The following SPATA2L variants were observed in gnomAD, a reference collection of about 807,000 sequenced individuals.
The protein encoded by SPATA2L is spermatogenesis-associated protein 2-like protein.
Under a neutral mutation model 8.7 loss-of-function variants are expected in SPATA2L, and 5 were observed. The ratio of observed to expected loss-of-function variants is 0.57; its 90% CI spans 0.30 to 1.21. The LOEUF is 1.21. Among genes scored for constraint, SPATA2L ranks in the 50% most tolerant of loss-of-function variants. The pLI is 0.07. For missense variants in SPATA2L, 671 were observed against 591.0 expected, an observed-to-expected ratio of 1.14 and a Z score of -1.40; for synonymous variants, 358 against 275.8, an observed-to-expected ratio of 1.30 and a Z score of -2.95.
intron 1 of SPATA2L, 124 bp from the exon 2 acceptor site, chr16:89,701,357 C>A: frequency 9.8e-7 from 1 of 1,016,786 alleles, no homozygotes; most frequent in Non-Finnish European, 1.3e-6. Context: ...CCCCCAGCGG[C>A]TGGGCGCCCC....
chr16:89,698,317 C>T lies in SPATA2L; in HGVS notation c.304-12G>A, dbSNP rs532753698. ...CCCCCAGAGAAGGTCTGCAAGGGAG[C>T]GGCCAGGTCAGTGACTGCCCACCCT... On this transcript the variant is annotated splice_polypyrimidine_tract_variant and intron_variant, in intron 2 of 2. Coordinates refer to ENST00000289805, the MANE Select transcript of SPATA2L (RefSeq NM_152339.4). 1.8e-5 allele frequency: 28 copies of T among 1,541,732 alleles called. No individual in the cohort carries two copies. The highest frequency in any genetic ancestry group is 1.5e-4 in the Admixed American group (8 of 52,610).
intron 2 of SPATA2L, among the ~76,000 whole-genome samples, 169 bp from the exon 3 acceptor site, chr16:89,698,474 CTTTTTTTTTTTTTT>C (rs61610413): frequency 1.1e-4 from 6 of 54,112 alleles, no homozygotes; most frequent in African/African-American, 1.4e-4. Flanking sequence ...ATGATGATTT[CTTTTTTTTTTTTTT>C]TTTTTTTTTT....
rs748634069 is a variant in SPATA2L at position 89,697,496 on chromosome 16, G to A, written c.1113C>T (p.Cys371=). 9 of 1,600,062 alleles carry A rather than the reference G, an allele frequency of 5.6e-6. No homozygotes were observed. The highest frequency in any genetic ancestry group is 4.0e-5 in the African/African-American group (3 of 74,752). ...LSPGALPTLC[C]DTCRQLHAAH... is the part of the protein sequence containing the mutation. Reference sequence around the variant, plus strand: ...CAGCATGCAGCTGGCGACAGGTGTCGCAGCAGAGGGTGGGCAGGGCGCCAG... The same window carrying A: ...CAGCATGCAGCTGGCGACAGGTGTCACAGCAGAGGGTGGGCAGGGCGCCAG... Residue 371 remains cysteine, a synonymous_variant, in exon 3 of 3, where the codon TGC becomes TGT. Transcript: ENST00000289805.
chr16:89,698,357 C>T (rs746006658), intron 2 of SPATA2L, 52 bp from the exon 3 acceptor site: 5 of 1,512,902 alleles, frequency 3.3e-6, no homozygotes, highest in Non-Finnish European at 3.5e-6. Context: ...TAGGCCAGAC[C>T]CTAGGGTACA....
At position 89,700,845 on chromosome 16, in the gene SPATA2L, T is replaced by C. The variant is rs1258543884; in HGVS notation, c.303+85A>G. 2.2e-6 allele frequency: 3 copies of C among 1,354,224 alleles called. No homozygotes were observed. The Admixed American group carries it at 9.7e-5, about 44-fold the overall frequency. The allele number at this position is 1,354,224 out of a possible 1,614,324, so 83.9% of individuals were successfully genotyped here. A position where few individuals can be genotyped will look rare whatever the true frequency, so the allele number is the denominator to read the frequency against. ...TGAGGACACTTGAAGCCCCTCTCTC[T>C]CGAAAGGCGTGGTCCCCCATGGTCG... On this transcript the variant is annotated intron_variant, in intron 2 of 2. Transcript: ENST00000289805.
Position 89,697,306 on chromosome 16 carries a change from A to G in SPATA2L, c.*28T>C, listed in dbSNP as rs372441312. ...GAAGCACCACGGGAGCTGTCTCCCA[A>G]GAGCCCTTGACCTGGGGCCCAGCTG... On this transcript the variant is annotated 3_prime_UTR_variant, in exon 3 of 3. Transcript: ENST00000289805. 1.1e-4 allele frequency: 164 copies of G among 1,483,484 alleles called. No individual in the cohort carries two copies. The highest frequency in any genetic ancestry group is 1.4e-4 in the Non-Finnish European group (158 of 1,120,804). The allele number at this position is 1,483,484 out of a possible 1,614,324, so 91.9% of individuals were successfully genotyped here. A position where few individuals can be genotyped will look rare whatever the true frequency, so the allele number is the denominator to read the frequency against.
Position 89,696,502 on chromosome 16 carries a change from G to A in SPATA2L, c.*832C>T. On this transcript the variant is annotated 3_prime_UTR_variant, in exon 3 of 3. Coordinates refer to ENST00000289805, the MANE Select transcript of SPATA2L (RefSeq NM_152339.4). ...GCCCAGAGGGGCTGTCACAGTGGATGCACCCTGCCCTCTCCCTCGCCAGAC... is the reference window on the plus strand; with the variant it reads ...GCCCAGAGGGGCTGTCACAGTGGATACACCCTGCCCTCTCCCTCGCCAGAC... 1 of 389,310 alleles carries A rather than the reference G, an allele frequency of 2.6e-6. No individual in the cohort carries two copies. Among genetic ancestry groups the A allele is most frequent in the Non-Finnish European group, 4.7e-6 (1 of 214,444 alleles). 24.1% of individuals were successfully genotyped at this position (389,310 alleles called of 1,614,324 possible).
Position 89,701,147 on chromosome 16 carries a change from G to A in SPATA2L, c.86C>T (p.Pro29Leu), listed in dbSNP as rs2060773439. The change falls in exon 2 of 3, where the codon CCC becomes CTC. Residue 29 changes from proline to leucine, a missense_variant. Transcript: ENST00000289805. ...CTGCCAGAGCACCGCGCGCAGCGAG[G>A]GGTCCCCGCACACGCCCGCGCGGCC... is the stretch of plus-strand genomic sequence containing the variant. The part of the protein sequence containing the change: ...RRGRAGVCGD[P>L]SLRAVLWQIL... The A allele has an allele frequency of 6.6e-7, 1 of 1,520,938 alleles. No individual in the cohort carries two copies. The highest frequency in any genetic ancestry group is 8.8e-7 in the Non-Finnish European group (1 of 1,139,596). The allele number at this position is 1,520,938 out of a possible 1,614,324, so 94.2% of individuals were successfully genotyped here. A position where few individuals can be genotyped will look rare whatever the true frequency, so the allele number is the denominator to read the frequency against.
At position 89,697,985 on chromosome 16, in the gene SPATA2L, C is replaced by T. The variant is rs886533393; in HGVS notation, c.624G>A (p.Glu208=). 3 of 1,602,900 alleles carry T rather than the reference C, an allele frequency of 1.9e-6. No individual in the cohort carries two copies. The highest frequency in any genetic ancestry group is 1.7e-6 in the Non-Finnish European group (2 of 1,177,468). Residue 208 remains glutamate, a synonymous_variant, in exon 3 of 3, where the codon GAG becomes GAA. Coordinates refer to ENST00000289805, the MANE Select transcript of SPATA2L (RefSeq NM_152339.4). The stretch of plus-strand genomic sequence containing the variant: ...AGCCTCGGGGGGGCAGGGGTGGCGG[C>T]TCCTCATCCTGGGCCAGCCGCTGCT... ...WLQQRLAQDE[E]PPPLPPRGSP... is the part of the protein sequence containing the mutation.
In SPATA2L at chr16:89,696,995, CA is replaced by C; in HGVS notation, c.*338del. ...GTACTGCAGGGAGCAGGCCAGGAGC[CA>C]CGGGCCTTGGGGCACAGGGTCCTTC... is the stretch of plus-strand genomic sequence containing the variant. On this transcript the variant is annotated 3_prime_UTR_variant, in exon 3 of 3. Transcript: ENST00000289805. 7.0e-7 allele frequency: 1 copy of C among 1,430,942 alleles called. No homozygotes were observed. Among genetic ancestry groups the C allele is most frequent in the Non-Finnish European group, 9.2e-7 (1 of 1,090,400 alleles). 88.6% of individuals were successfully genotyped at this position (1,430,942 alleles called of 1,614,324 possible).
chr16:89,701,382 C>A (rs1290650282), intron 1 of SPATA2L, 149 bp from the exon 2 acceptor site: 4 of 731,040 alleles, frequency 5.5e-6, no homozygotes, highest in Non-Finnish European at 8.0e-6. Context: ...ATCTTCGGCA[C>A]CCCCTACGCT....
rs1164776451 is a variant in SPATA2L, at chr16:89,696,514, C to T, written c.*820G>A. The stretch of plus-strand genomic sequence containing the variant: ...TGTCACAGTGGATGCACCCTGCCCT[C>T]TCCCTCGCCAGACCCGAGGGTAGGG... On this transcript the variant is annotated 3_prime_UTR_variant, in exon 3 of 3. Transcript: ENST00000289805. 5.0e-5 allele frequency: 21 copies of T among 418,456 alleles called. No individual in the cohort carries two copies. Among genetic ancestry groups the T allele is most frequent in the African/African-American group, 3.1e-4 (15 of 48,878 alleles). 25.9% of individuals were successfully genotyped at this position (418,456 alleles called of 1,614,324 possible). A position where few individuals can be genotyped will look rare whatever the true frequency, so the allele number is the denominator to read the frequency against.
At chr16:89,700,227 C>T (rs1298355824) in intron 2 of SPATA2L, among the ~76,000 whole-genome samples, 2 of 152,336 alleles carry the variant, frequency 1.3e-5, no homozygotes, top group African/African-American at 2.4e-5. Flanking sequence ...GCCTGTCCGT[C>T]CTCTCTCATG....
rs1196212423 is a variant in SPATA2L at position 89,701,047 on chromosome 16, C to G, written c.186G>C (p.Trp62Cys). 6.4e-7 allele frequency: 1 copy of G among 1,572,324 alleles called. No individual in the cohort carries two copies. The highest frequency in any genetic ancestry group is 8.6e-7 in the Non-Finnish European group (1 of 1,162,822). Residue 62 changes from tryptophan to cysteine, a missense_variant, in exon 2 of 3, where the codon TGG (tryptophan) becomes TGC (cysteine). Physicochemically the swap from Trp to Cys is radical, Grantham distance 215. Transcript: ENST00000289805. ...GCGCGGGCGCCAGGTCGGCGCGGCC[C>G]CACAGCCCGTCGGTGAGCAGAGCCA... ...DALALLTDGL[W>C]GRADLAPALR... is the part of the protein sequence containing the mutation.
At position 89,698,015 on chromosome 16, in the gene SPATA2L, C is replaced by T. The variant is rs1038745083; in HGVS notation, c.594G>A (p.Trp198Ter). 1.9e-6 allele frequency: 3 copies of T among 1,600,342 alleles called. No individual in the cohort carries two copies. The highest frequency in any genetic ancestry group is 1.3e-5 in the African/African-American group (1 of 74,772). The part of the protein sequence containing the change: ...ASGDVASCVA[W>*]LQQRLAQDEE... ...CATCCTGGGCCAGCCGCTGCTGCAG[C>T]CAGGCCACACAGGAGGCCACGTCCC... The change falls in exon 3 of 3, where the codon TGG becomes TGA. Residue 198 changes from tryptophan to a stop codon, truncating the protein, a stop_gained. Coordinates refer to ENST00000289805, the MANE Select transcript of SPATA2L (RefSeq NM_152339.4). LOFTEE classifies it low-confidence loss of function (END_TRUNC).
rs1407047504 is a variant in SPATA2L at position 89,697,490 on chromosome 16, G to C, written c.1119C>G (p.Thr373=). 2.5e-6 allele frequency: 4 copies of C among 1,601,628 alleles called. No individual in the cohort carries two copies. The highest frequency in any genetic ancestry group is 1.7e-5 in the Admixed American group (1 of 59,448). ...PGALPTLCCD[T]CRQLHAAHCA... ...AGTGGGCAGCATGCAGCTGGCGACA[G>C]GTGTCGCAGCAGAGGGTGGGCAGGG... Residue 373 remains threonine (T), a synonymous_variant, in exon 3 of 3, where the codon ACC becomes ACG. Coordinates refer to ENST00000289805, the MANE Select transcript of SPATA2L (RefSeq NM_152339.4).
chr16:89,700,153 A>C (rs991004118), intron 2 of SPATA2L, among the ~76,000 whole-genome samples: 1 of 152,236 alleles, frequency 6.6e-6, no homozygotes, highest in African/African-American at 2.4e-5. Flanking sequence ...AGTCCAAACC[A>C]GGGCTGTCCG....
chr16:89,701,505 G>T (rs1173687130), intron 1 of SPATA2L, 123 bp downstream of exon 1: 3 of 392,970 alleles, frequency 7.6e-6, no homozygotes, highest in Non-Finnish European at 9.0e-6. Flanking sequence ...GCCTTCCAGG[G>T]GCGCCCCCGG....
chr16:89,697,404 TG>T lies in SPATA2L; in HGVS notation c.1204del (p.Gln402SerfsTer195). The T allele has an allele frequency of 6.2e-7, 1 of 1,600,064 alleles. No homozygotes were observed. The highest frequency in any genetic ancestry group is 8.5e-7 in the Non-Finnish European group (1 of 1,172,814). ...HSLRVLLGDA[Q>X]RRLWLQRAQM... ...TGCACGCTGTAGCCACAAGCGCCGC[TG>T]GGCGTCGCCAAGCAGCACACGCAGC... On this transcript the variant is annotated frameshift_variant, in exon 3 of 3. Transcript: ENST00000289805. LOFTEE classifies it high-confidence loss of function.
Sources: allele counts gnomAD v4.1 joint callset (sites outside exome capture counted in the v4.1 genomes callset), GRCh38; gene constraint gnomAD v4.1.1; transcripts MANE v1.5; gene names NCBI Gene and HGNC (gene_info 2026-07-23, HGNC 2026-07-21).